PRMT8: variants seen among roughly 807,000 people sequenced by gnomAD.
The protein encoded by PRMT8 is protein arginine methyltransferase 8.
Under a neutral mutation model 47.1 loss-of-function variants are expected in PRMT8, and 7 were observed. That is an observed-to-expected ratio of 0.15 (90% CI 0.08 to 0.28). The LOEUF is 0.28. PRMT8 is among the 10% of genes least tolerant of loss of function. The pLI, the probability that PRMT8 is intolerant of heterozygous loss-of-function variation, is 1.00. For missense variants in PRMT8, 237 were observed against 505.4 expected, an observed-to-expected ratio of 0.47 and a Z score of 5.09; for synonymous variants, 188 against 186.5, an observed-to-expected ratio of 1.01 and a Z score of -0.07.
chr12:3,550,188 A>G lies in PRMT8; in HGVS notation c.417+97A>G, dbSNP rs1403413473. 6.6e-7 allele frequency: 1 copy of G among 1,507,352 alleles called. No individual in the cohort carries two copies. The highest frequency in any genetic ancestry group is 2.3e-5 in the East Asian group (1 of 43,830). The allele number at this position is 1,507,352 out of a possible 1,614,324, so 93.4% of individuals were successfully genotyped here. A position where few individuals can be genotyped will look rare whatever the true frequency, so the allele number is the denominator to read the frequency against. On this transcript the variant is annotated intron_variant, in intron 3 of 9. Coordinates refer to ENST00000382622, the MANE Select transcript of PRMT8 (RefSeq NM_019854.5). This position sits in a 1 kb window ranked among gnomAD's most constrained non-coding sequence, Gnocchi z 5.1. The stretch of plus-strand genomic sequence containing the variant: ...CTTCTAGAAGTACAAAATTTGGTCC[A>G]TCTCTTTTGCTGGGGTCACACCTTC...
At chr12:3,401,147 C>CAAAAAA (rs34492092) in intron 1 of PRMT8, among the ~76,000 whole-genome samples, 16 of 45,884 alleles carry the variant, frequency 3.5e-4, no homozygotes, top group East Asian at 8.2e-4. Flanking sequence ...AACTCCATCT[C>CAAAAAA]AAAAAAAAAA....
At chr12:3,383,766 G>A (rs1257323378) in intron 1 of PRMT8, among the ~76,000 whole-genome samples, 10 of 152,194 alleles carry the variant, frequency 6.6e-5, no homozygotes, top group Admixed American at 5.9e-4. Flanking sequence ...AGCCTGAATG[G>A]ACTAAGACAA....
At chr12:3,470,348 T>C (rs1163284573) in intron 1 of PRMT8, among the ~76,000 whole-genome samples, 1 of 152,142 alleles carries the variant, frequency 6.6e-6, no homozygotes, top group African/African-American at 2.4e-5. Flanking sequence ...TCCATAGGAC[T>C]CAATGTGCTC....
chr12:3,526,088 G>A (rs1591585027), intron 1 of PRMT8, among the ~76,000 whole-genome samples: 1 of 152,088 alleles, frequency 6.6e-6, no homozygotes, highest in Non-Finnish European at 1.5e-5. Flanking sequence ...TAATTCTGAC[G>A]ATGCTACCTT....
upstream of PRMT8, among the ~76,000 whole-genome samples, chr12:3,487,499 A>C (rs1251326874): frequency 1.3e-5 from 2 of 152,180 alleles, no homozygotes; most frequent in Non-Finnish European, 2.9e-5. Flanking sequence ...CAGGAGACAG[A>C]ATTACAGAGT....
chr12:3,406,268 C>A (rs893291605), intron 1 of PRMT8, among the ~76,000 whole-genome samples: 1 of 152,226 alleles, frequency 6.6e-6, no homozygotes, highest in African/African-American at 2.4e-5. Flanking sequence ...ACTTGGCCCA[C>A]AAAACCATTT....
In PRMT8 at chr12:3,593,358, G is replaced by A. The variant is rs929052210; in HGVS notation, c.*176G>A. The stretch of plus-strand genomic sequence containing the variant: ...CGTGGGCTCTGCCACTGGACAGAAG[G>A]CCTCCAGCTCCTCCGCTCTGCCCTG... On this transcript the variant is annotated 3_prime_UTR_variant, in exon 10 of 10. Coordinates refer to ENST00000382622, the MANE Select transcript of PRMT8 (RefSeq NM_019854.5). This position sits in a 1 kb window ranked among gnomAD's most constrained non-coding sequence, Gnocchi z 4.8. 1 of 592,276 alleles carries A rather than the reference G, an allele frequency of 1.7e-6. No individual in the cohort carries two copies. The highest frequency in any genetic ancestry group is 3.3e-5 in the Admixed American group (1 of 30,624). 36.7% of individuals were successfully genotyped at this position (592,276 alleles called of 1,614,324 possible).
At chr12:3,434,528 A>G (rs548608329) in intron 1 of PRMT8, among the ~76,000 whole-genome samples, 35 of 152,258 alleles carry the variant, frequency 2.3e-4, no homozygotes, top group African/African-American at 7.9e-4. Context: ...CACACCATAA[A>G]ATGGCACAGC....
At chr12:3,410,658 G>A (rs985498998) in intron 1 of PRMT8, among the ~76,000 whole-genome samples, 1 of 152,126 alleles carries the variant, frequency 6.6e-6, no homozygotes, top group Non-Finnish European at 1.5e-5. Context: ...ACAGGCACGC[G>A]CCACCATGCC....
At chr12:3,407,877 T>C (rs994191755) in intron 1 of PRMT8, among the ~76,000 whole-genome samples, 5 of 152,026 alleles carry the variant, frequency 3.3e-5, no homozygotes, top group Non-Finnish European at 7.4e-5. Context: ...GCAAATTCTT[T>C]CTTCTGCTTG....
chr12:3,531,634 T>C (rs1277502629), intron 1 of PRMT8, among the ~76,000 whole-genome samples: 3 of 152,092 alleles, frequency 2.0e-5, no homozygotes, highest in African/African-American at 7.2e-5. Context: ...CAGCCAGGGC[T>C]GGCAGGAGGC....
chr12:3,592,502 G>C, intron 9 of PRMT8, 150 bp downstream of exon 9: 1 of 846,682 alleles, frequency 1.2e-6, no homozygotes, highest in Middle Eastern at 3.2e-4. Flanking sequence ...GACATGACTA[G>C]GCCTAATTGA....
At chr12:3,573,030 T>G (rs758290058) in intron 6 of PRMT8, among the ~76,000 whole-genome samples, 13 of 152,248 alleles carry the variant, frequency 8.5e-5, no homozygotes, top group Non-Finnish European at 1.9e-4. Flanking sequence ...ATGGATTGTT[T>G]CGTTAGTTTA....
Position 3,453,933 on chromosome 12 carries a change from G to A in PRMT8, c.48+72491G>A, listed in dbSNP as rs762195441. ...ACGGGGTGCCTCGTGTGCTCCTCAT[G>A]GCACATTTACCATGGGCTTTTTCAG... On this transcript the variant is annotated intron_variant, in intron 1 of 9. Transcript: ENST00000452611. The surrounding 1 kb of genome is among the most constrained non-coding windows in gnomAD (Gnocchi z 4.9). Among the ~76,000 whole-genome samples the A allele has an allele frequency of 2.6e-5, 4 of 152,170 alleles. No individual in the cohort carries two copies. The highest frequency in any genetic ancestry group is 5.9e-5 in the Non-Finnish European group (4 of 68,038).
At chr12:3,386,826 C>G (rs1217336858) in intron 1 of PRMT8, among the ~76,000 whole-genome samples, 1 of 152,020 alleles carries the variant, frequency 6.6e-6, no homozygotes, top group Non-Finnish European at 1.5e-5. Flanking sequence ...TCTCCTGCCT[C>G]AGCCTCCCGA....
At chr12:3,472,202 C>A (rs1322373493) in intron 1 of PRMT8, among the ~76,000 whole-genome samples, 1 of 152,196 alleles carries the variant, frequency 6.6e-6, no homozygotes, top group African/African-American at 2.4e-5. Context: ...CTTCTGGCTA[C>A]AGGAGGTGAT....
intron 1 of PRMT8, among the ~76,000 whole-genome samples, chr12:3,392,574 G>A (rs1325659280): frequency 6.6e-6 from 1 of 150,962 alleles, no homozygotes; most frequent in Non-Finnish European, 1.5e-5. Flanking sequence ...GTATTCCATG[G>A]TGTATATGTG....
intron 1 of PRMT8, among the ~76,000 whole-genome samples, chr12:3,432,650 A>G (rs1864693888): frequency 6.6e-6 from 1 of 151,470 alleles, no homozygotes; most frequent in African/African-American, 2.4e-5. Context: ...TCTGGGCAAG[A>G]GGCTGCAGGT....
At chr12:3,467,239 CAAAAAA>C (rs10694948) in intron 1 of PRMT8, among the ~76,000 whole-genome samples, 5 of 48,820 alleles carry the variant, frequency 1.0e-4, no homozygotes, top group Admixed American at 3.6e-4. Context: ...GACTCCATCT[CAAAAAA>C]AAAAAAAAAA....
Sources: gnomAD v4.1 joint callset for allele counts (sites outside exome capture counted in the v4.1 genomes callset) on GRCh38, gnomAD v4.1.1 for gene constraint, Gnocchi (gnomAD v3.1) non-coding constraint, MANE v1.5 for transcripts, NCBI Gene and HGNC (gene_info 2026-07-23, HGNC 2026-07-21) for gene names.